GPR39: variants seen among roughly 807,000 people sequenced by gnomAD.
GPR39 encodes the protein G protein-coupled receptor 39.
GPR39 carries 23 observed loss-of-function variants against 18.4 expected under a neutral mutation model. The observed-to-expected ratio is 1.25, with a 90% CI of 0.90 to 1.77. The LOEUF (loss-of-function observed/expected upper bound fraction) is 1.77, where lower values mean the gene tolerates loss of function less well. Among genes scored for constraint, GPR39 ranks in the 40% most tolerant of loss-of-function variants. The pLI, the probability that GPR39 is intolerant of heterozygous loss-of-function variation, is 0.00. For synonymous variants in GPR39, 280 were observed against 257.9 expected, an observed-to-expected ratio of 1.09 and a Z score of -0.82; for missense variants, 647 against 602.4, an observed-to-expected ratio of 1.07 and a Z score of -0.78.
Position 132,531,307 on chromosome 2 carries a change from T to A in GPR39, c.856+113409T>A, listed in dbSNP as rs916310107. 6.6e-5 allele frequency among the ~76,000 whole-genome samples: 10 copies of A among 152,288 alleles called. 1 individual carries two copies. The South Asian group carries it at 2.1e-3, about 32-fold the overall frequency. ...TCAATTCAACAAGAAGAGCTAACTA[T>A]CCTAAATATATATGCACCCGATACA... On this transcript the variant is annotated intron_variant, in intron 1 of 1. Transcript: ENST00000329321.
Position 132,640,523 on chromosome 2 carries a change from T to C in GPR39, c.857-4578T>C, listed in dbSNP as rs1681839645. The stretch of plus-strand genomic sequence containing the variant: ...TATCAGTAATTCAGTTAAAACAGTT[T>C]ACCTGCTTTACATGAGTGGGTTCAG... On this transcript the variant is annotated intron_variant, in intron 1 of 1. Coordinates refer to ENST00000329321, the MANE Select transcript of GPR39 (RefSeq NM_001508.3). Among the ~76,000 whole-genome samples, 6 of 152,238 alleles carry C rather than the reference T, an allele frequency of 3.9e-5. No homozygotes were observed. In the South Asian group the frequency reaches 1.2e-3, roughly 31 times the overall value.
intron 1 of GPR39, among the ~76,000 whole-genome samples, chr2:132,444,545 C>T (rs1680501137): frequency 6.6e-6 from 1 of 152,184 alleles, no homozygotes; most frequent in Non-Finnish European, 1.5e-5. Context: ...GCCTCAGCCT[C>T]CCACAGTGTT....
At chr2:132,591,682 A>C (rs1680847286) in intron 1 of GPR39, among the ~76,000 whole-genome samples, 1 of 152,190 alleles carries the variant, frequency 6.6e-6, no homozygotes, top group Non-Finnish European at 1.5e-5. Flanking sequence ...TTTATGGTGG[A>C]ATTGTAAAAC....
intron 1 of GPR39, among the ~76,000 whole-genome samples, chr2:132,641,367 G>C (rs1681853274): frequency 6.6e-6 from 1 of 152,166 alleles, no homozygotes; most frequent in African/African-American, 2.4e-5. Flanking sequence ...TATGTGGGAG[G>C]TTCCTTGGGG....
At chr2:132,478,460 C>T (rs1681171463) in intron 1 of GPR39, among the ~76,000 whole-genome samples, 1 of 152,220 alleles carries the variant, frequency 6.6e-6, no homozygotes, top group African/African-American at 2.4e-5. Context: ...TTAAAATCTA[C>T]ATCTAATTTA....
chr2:132,574,799 A>C (rs1680502000), intron 1 of GPR39, among the ~76,000 whole-genome samples: 1 of 152,200 alleles, frequency 6.6e-6, no homozygotes, highest in South Asian at 2.1e-4. Flanking sequence ...ATTTGTATTT[A>C]AAACTTTTGT....
At chr2:132,514,233 A>G (rs927310593) in intron 1 of GPR39, among the ~76,000 whole-genome samples, 22 of 151,886 alleles carry the variant, frequency 1.4e-4, no homozygotes, top group African/African-American at 5.3e-4. Flanking sequence ...CTTGGTTTTG[A>G]TCTTGACATC....
intron 1 of GPR39, among the ~76,000 whole-genome samples, chr2:132,495,956 G>A (rs140900695): frequency 6.6e-6 from 1 of 152,046 alleles, no homozygotes; most frequent in Admixed American, 6.5e-5. Flanking sequence ...AGCCTTCTGA[G>A]TTACTCATTA....
At chr2:132,577,221 G>A (rs141586557) in intron 1 of GPR39, among the ~76,000 whole-genome samples, 218 of 152,120 alleles carry the variant, frequency 1.4e-3, no homozygotes, top group African/African-American at 5.1e-3. Context: ...ACCAGGTGTC[G>A]TGGCACACAC....
At chr2:132,511,028 A>C (rs1367632489) in intron 1 of GPR39, among the ~76,000 whole-genome samples, 1 of 152,224 alleles carries the variant, frequency 6.6e-6, no homozygotes, top group Non-Finnish European at 1.5e-5. Context: ...AAAGGAAAAC[A>C]AAAAAGCCTA....
At position 132,609,831 on chromosome 2, in the gene GPR39, C is replaced by A. The variant is rs1285068284; in HGVS notation, c.857-35270C>A. ...AGGAGCAAGGGTCATACCCTTCAAC[C>A]TGGTGTCAGAGGTACTTCCTTTGTG... On this transcript the variant is annotated intron_variant, in intron 1 of 1. Transcript: ENST00000329321. Among the ~76,000 whole-genome samples the A allele has an allele frequency of 2.0e-5, 3 of 152,158 alleles. No homozygotes were observed. In the East Asian group the frequency reaches 5.8e-4, roughly 29 times the overall value.
intron 1 of GPR39, among the ~76,000 whole-genome samples, chr2:132,474,695 C>G (rs188741355): frequency 4.8e-4 from 73 of 152,364 alleles, no homozygotes; most frequent in African/African-American, 1.5e-3. Context: ...CCAGTTGCTA[C>G]TCCAGCCTTG....
At chr2:132,493,434 C>CACACACCATATATAT (rs1558815380) in intron 1 of GPR39, among the ~76,000 whole-genome samples, 2 of 144,772 alleles carry the variant, frequency 1.4e-5, no homozygotes, top group African/African-American at 5.2e-5. Context: ...GCCATATATA[C>CACACACCATATATAT]ACACACCATA....
At chr2:132,552,817 T>C (rs1680067227) in intron 1 of GPR39, among the ~76,000 whole-genome samples, 2 of 140,988 alleles carry the variant, frequency 1.4e-5, no homozygotes, top group South Asian at 4.6e-4. Context: ...TGTGTGTGTG[T>C]GTATGTATAT....
At chr2:132,532,577 A>G (rs1013555554) in intron 1 of GPR39, among the ~76,000 whole-genome samples, 1 of 152,232 alleles carries the variant, frequency 6.6e-6, no homozygotes, top group Non-Finnish European at 1.5e-5. Flanking sequence ...CTTGATGAAC[A>G]TTGATGCAAA....
In GPR39 at chr2:132,492,911, C is replaced by CATAT. The variant is rs1438025152; in HGVS notation, c.856+75015_856+75018dup. Among the ~76,000 whole-genome samples the CATAT allele has an allele frequency of 6.4e-3, 853 of 132,250 alleles. 1 individual carries two copies. Among genetic ancestry groups the CATAT allele is most frequent in the African/African-American group, 0.016 (542 of 33,964 alleles). 86.8% of individuals were successfully genotyped at this position (132,250 alleles called of 152,430 possible). On this transcript the variant is annotated intron_variant, in intron 1 of 1. Coordinates refer to ENST00000329321, the MANE Select transcript of GPR39 (RefSeq NM_001508.3). ...CCATATATATACCATATATATACAC[C>CATAT]ATATACCATATATATACACCATATA... is the stretch of plus-strand genomic sequence containing the variant.
At chr2:132,499,907 G>A (rs1431299528) in intron 1 of GPR39, among the ~76,000 whole-genome samples, 1 of 152,124 alleles carries the variant, frequency 6.6e-6, no homozygotes, top group African/African-American at 2.4e-5. Context: ...GTACAGCAGA[G>A]CTACTGATTT....
At chr2:132,530,143 T>A (rs899664198) in intron 1 of GPR39, among the ~76,000 whole-genome samples, 7 of 151,682 alleles carry the variant, frequency 4.6e-5, no homozygotes, top group African/African-American at 1.5e-4. Context: ...GAATAACCAA[T>A]GCAGAGAAGT....
At chr2:132,492,157 A>T (rs1053427770) in intron 1 of GPR39, among the ~76,000 whole-genome samples, 12 of 147,486 alleles carry the variant, frequency 8.1e-5, no homozygotes, top group Admixed American at 4.1e-4. Flanking sequence ...ACACCACATA[A>T]ATATATACAC....
Sources: allele counts gnomAD v4.1 joint callset (sites outside exome capture counted in the v4.1 genomes callset), GRCh38; gene constraint gnomAD v4.1.1; transcripts MANE v1.5; gene names NCBI Gene and HGNC (gene_info 2026-07-23, HGNC 2026-07-21).